Variants in USP38 observed in about 807,000 individuals in gnomAD.
USP38 encodes ubiquitin carboxyl-terminal hydrolase 38.
Under a neutral mutation model 94.3 loss-of-function variants are expected in USP38, and 49 were observed. The ratio of observed to expected loss-of-function variants is 0.52; its 90% CI spans 0.41 to 0.66. USP38 has a LOEUF of 0.66. Ranked by LOEUF, USP38 falls within the 30% of genes least tolerant of loss-of-function variation. The pLI is 0.00. For synonymous variants in USP38, 468 were observed against 463.6 expected, an observed-to-expected ratio of 1.01 and a Z score of -0.12; for missense variants, 1,128 against 1,229.4, an observed-to-expected ratio of 0.92 and a Z score of 1.23.
chr4:143,202,376 G>A (rs915851457), intron 4 of USP38, among the ~76,000 whole-genome samples: 2 of 152,086 alleles, frequency 1.3e-5, no homozygotes, highest in Non-Finnish European at 2.9e-5. Flanking sequence ...GAATTAGTGG[G>A]TTATTACTAT....
At chr4:143,204,316 C>T in intron 5 of USP38, 1 of 439,224 alleles carries the variant, frequency 2.3e-6, no homozygotes, top group Non-Finnish European at 4.5e-6. Context: ...GACTGTTCAT[C>T]AATGTTTCGA....
intron 3 of USP38, among the ~76,000 whole-genome samples, chr4:143,197,443 GTTT>G (rs1217269935): frequency 6.6e-6 from 1 of 152,112 alleles, no homozygotes; most frequent in African/African-American, 2.4e-5. Context: ...GAGAGAGATG[GTTT>G]TTTGTTTTTT....
In USP38 at chr4:143,221,131, T is replaced by C. The variant is rs769577920; in HGVS notation, c.*675T>C. The C allele has an allele frequency of 8.3e-4, 127 of 152,726 alleles. No homozygotes were observed. In the Middle Eastern group the frequency reaches 0.01, roughly 12 times the overall value. The allele number at this position is 152,726 out of a possible 1,614,324, so 9.5% of individuals were successfully genotyped here. A position where few individuals can be genotyped will look rare whatever the true frequency, so the allele number is the denominator to read the frequency against. Reference sequence around the variant, plus strand: ...ATTTTTACCTAAAAAATGCTAACTTTATAGTATTTCTAATTGTTCAAGGAT... The same window carrying C: ...ATTTTTACCTAAAAAATGCTAACTTCATAGTATTTCTAATTGTTCAAGGAT... On this transcript the variant is annotated 3_prime_UTR_variant, in exon 10 of 10. Coordinates refer to ENST00000307017, the MANE Select transcript of USP38 (RefSeq NM_032557.6).
chr4:143,185,394 C>T lies in USP38; in HGVS notation c.-57C>T, dbSNP rs139333519. 3,113 of 1,514,334 alleles carry T rather than the reference C, an allele frequency of 2.1e-3. 4 individuals carry two copies. Among genetic ancestry groups the T allele is most frequent in the Non-Finnish European group, 2.6e-3 (2,910 of 1,131,706 alleles). The allele number at this position is 1,514,334 out of a possible 1,614,324, so 93.8% of individuals were successfully genotyped here. On this transcript the variant is annotated 5_prime_UTR_variant, in exon 1 of 10. Coordinates refer to ENST00000307017, the MANE Select transcript of USP38 (RefSeq NM_032557.6). ...GCCCCGGGGCTCTCCTGCCCCACCT[C>T]GGGGCTGCCGCCACCCGCTCCTTAT...
rs1348027669 is a variant in USP38, at chr4:143,185,398, G to T, written c.-53G>T. 5 of 1,518,008 alleles carry T rather than the reference G, an allele frequency of 3.3e-6. No individual in the cohort carries two copies. The highest frequency in any genetic ancestry group is 3.5e-6 in the Non-Finnish European group (4 of 1,133,648). 94.0% of individuals were successfully genotyped at this position (1,518,008 alleles called of 1,614,324 possible). On this transcript the variant is annotated 5_prime_UTR_variant, in exon 1 of 10. Transcript: ENST00000307017. ...CGGGGCTCTCCTGCCCCACCTCGGG[G>T]CTGCCGCCACCCGCTCCTTATCCCC...
intron 7 of USP38, among the ~76,000 whole-genome samples, chr4:143,210,551 C>T (rs1019138851): frequency 1.3e-5 from 2 of 151,486 alleles, no homozygotes; most frequent in African/African-American, 4.9e-5. Context: ...CGTGCCACTG[C>T]ACTCCAGCCT....
At chr4:143,216,166 C>G (rs968241676) in intron 9 of USP38, among the ~76,000 whole-genome samples, 3 of 152,126 alleles carry the variant, frequency 2.0e-5, no homozygotes, top group African/African-American at 7.2e-5. Context: ...GTTTATCTTG[C>G]CTTTTACCCC....
intron 7 of USP38, among the ~76,000 whole-genome samples, chr4:143,211,192 A>C (rs1732014518): frequency 6.6e-6 from 1 of 152,188 alleles, no homozygotes; most frequent in South Asian, 2.1e-4. Flanking sequence ...GTAGAAATTT[A>C]AAAGAGCCTG....
chr4:143,203,431 G>A lies in USP38; in HGVS notation c.1074G>A (p.Leu358=). The change falls in exon 5 of 10, where the codon TTG becomes TTA. Residue 358 remains leucine, a synonymous_variant. Transcript: ENST00000307017. ...AGATTGTTCCTCATGTGGTTAATTT[G>A]GTTCATTCTTTCAAAAATGATGGTC... ...FHLIVPHVVN[L]VHSFKNDGLP... 1 of 1,611,226 alleles carries A rather than the reference G, an allele frequency of 6.2e-7. No individual in the cohort carries two copies. The highest frequency in any genetic ancestry group is 1.7e-4 in the Middle Eastern group (1 of 6,044).
intron 4 of USP38, among the ~76,000 whole-genome samples, chr4:143,200,966 G>A (rs1731699816): frequency 6.6e-6 from 1 of 152,166 alleles, no homozygotes; most frequent in African/African-American, 2.4e-5. Flanking sequence ...GCAATTTACA[G>A]ATGCAGTGCT....
At position 143,220,546 on chromosome 4, in the gene USP38, T is replaced by A; in HGVS notation, c.*90T>A. The A allele has an allele frequency of 7.8e-7, 1 of 1,282,064 alleles. No individual in the cohort carries two copies. The highest frequency in any genetic ancestry group is 3.2e-5 in the Admixed American group (1 of 30,950). 79.4% of individuals were successfully genotyped at this position (1,282,064 alleles called of 1,614,324 possible). On this transcript the variant is annotated 3_prime_UTR_variant, in exon 10 of 10. Coordinates refer to ENST00000307017, the MANE Select transcript of USP38 (RefSeq NM_032557.6). Reference sequence around the variant, plus strand: ...ACTATAACAAATATCTATCTTTTATTTTTCATTAGACCCTTATACTTCAAG... The same window carrying A: ...ACTATAACAAATATCTATCTTTTATATTTCATTAGACCCTTATACTTCAAG...
rs557696086 is a variant in USP38 at position 143,187,417 on chromosome 4, A to G, written c.683-409A>G. ...TTCAAAATCTTCCTTAGAGGGATGT[A>G]ATGATCAATAAGTTTAAAGTTATTT... On this transcript the variant is annotated intron_variant, in intron 1 of 9. Transcript: ENST00000307017. 3.9e-5 allele frequency among the ~76,000 whole-genome samples: 6 copies of G among 152,198 alleles called. No individual in the cohort carries two copies. In the South Asian group the frequency reaches 6.2e-4, roughly 16 times the overall value.
intron 7 of USP38, 21 bp from the exon 8 acceptor site, chr4:143,212,297 T>C (rs200358516): frequency 6.4e-7 from 1 of 1,573,690 alleles, no homozygotes; most frequent in Admixed American, 1.8e-5. Context: ...TTCCTTATAT[T>C]TTCTCAATTG....
At chr4:143,206,457 A>G (rs2038593609) in intron 6 of USP38, among the ~76,000 whole-genome samples, 1 of 152,226 alleles carries the variant, frequency 6.6e-6, no homozygotes, top group African/African-American at 2.4e-5. Context: ...TGGGAGGCCA[A>G]GACGGGTGGA....
At chr4:143,201,604 A>G (rs1218467221) in intron 4 of USP38, among the ~76,000 whole-genome samples, 1 of 152,158 alleles carries the variant, frequency 6.6e-6, no homozygotes, top group African/African-American at 2.4e-5. Flanking sequence ...TCATAAGTTT[A>G]GAATATCTTA....
In USP38 at chr4:143,214,448, A is replaced by G. The variant is rs746208435; in HGVS notation, c.2472A>G (p.Leu824=). Residue 824 remains leucine (L), a synonymous_variant, in exon 9 of 10, where the codon TTA becomes TTG. Transcript: ENST00000307017. ...TDLSENLAKK[L]KPSGTDEASC... Reference sequence around the variant, plus strand: ...TTAGTGAGAACCTTGCTAAAAAATTAAAGCCTTCAGGGACTGATGAAGCTT... The same window carrying G: ...TTAGTGAGAACCTTGCTAAAAAATTGAAGCCTTCAGGGACTGATGAAGCTT... The G allele has an allele frequency of 6.2e-7, 1 of 1,613,706 alleles. No individual in the cohort carries two copies. Among genetic ancestry groups the G allele is most frequent in the African/African-American group, 1.3e-5 (1 of 75,032 alleles).
At position 143,220,647 on chromosome 4, in the gene USP38, C is replaced by A; in HGVS notation, c.*191C>A. 1 of 552,566 alleles carries A rather than the reference C, an allele frequency of 1.8e-6. No individual in the cohort carries two copies. Among genetic ancestry groups the A allele is most frequent in the Non-Finnish European group, 2.7e-6 (1 of 370,548 alleles). The allele number at this position is 552,566 out of a possible 1,614,324, so 34.2% of individuals were successfully genotyped here. A position where few individuals can be genotyped will look rare whatever the true frequency, so the allele number is the denominator to read the frequency against. ...ATGCATCATGGAAAAAAAAATCTAC[C>A]TCTTAAAATTCCATTTGCTTTTATG... On this transcript the variant is annotated 3_prime_UTR_variant, in exon 10 of 10. Coordinates refer to ENST00000307017, the MANE Select transcript of USP38 (RefSeq NM_032557.6).
intron 6 of USP38, among the ~76,000 whole-genome samples, chr4:143,208,587 T>C (rs1428330338): frequency 6.6e-6 from 1 of 152,124 alleles, no homozygotes; most frequent in Non-Finnish European, 1.5e-5. Context: ...TTTCCCTCTC[T>C]TATTTTTCTT....
In USP38 at chr4:143,185,485, C is replaced by T. The variant is rs199600100; in HGVS notation, c.35C>T (p.Ser12Leu). The T allele has an allele frequency of 6.2e-7, 1 of 1,603,486 alleles. No individual in the cohort carries two copies. The highest frequency in any genetic ancestry group is 8.5e-7 in the Non-Finnish European group (1 of 1,174,248). ...DKILEGLVSS[S>L]HPLPLKRVIV... ...ATCCTGGAGGGCCTTGTGAGTTCCT[C>T]GCATCCCCTGCCCCTCAAGCGGGTG... The change falls in exon 1 of 10, where the codon TCG (serine) becomes TTG (leucine). Residue 12 changes from serine (S) to leucine (L), a missense_variant. By Grantham distance (145) the Ser-to-Leu change is moderately radical. Coordinates refer to ENST00000307017, the MANE Select transcript of USP38 (RefSeq NM_032557.6).
Sources: gnomAD v4.1 joint callset for allele counts (sites outside exome capture counted in the v4.1 genomes callset) on GRCh38, gnomAD v4.1.1 for gene constraint, MANE v1.5 for transcripts, NCBI Gene and HGNC (gene_info 2026-07-23, HGNC 2026-07-21) for gene names.